The following TXNDC16 variants were observed in gnomAD, a reference collection of about 807,000 sequenced individuals.
TXNDC16 encodes thioredoxin domain containing 16.
Under a neutral mutation model 85.6 loss-of-function variants are expected in TXNDC16, and 74 were observed. The observed-to-expected ratio is 0.86, with a 90% CI of 0.72 to 1.05. The LOEUF (loss-of-function observed/expected upper bound fraction) is 1.05, where lower values mean the gene tolerates loss of function less well. TXNDC16 is among the 50% of genes least tolerant of loss of function. The pLI is 0.00. For missense variants in TXNDC16, 959 were observed against 947.0 expected (o/e 1.01, Z -0.17); for synonymous variants, 335 against 326.5 (o/e 1.03, Z -0.28).
Position 52,542,397 on chromosome 14 carries a change from G to A in TXNDC16, c.217C>T (p.Gln73Ter), listed in dbSNP as rs1279593358. The change falls in exon 4 of 21, where the codon CAG becomes TAG. Residue 73 changes from glutamine (Q) to a stop codon, truncating the protein, a stop_gained. Transcript: ENST00000281741. LOFTEE classifies it high-confidence loss of function. ...EELNEAVRPL[Q>*]DYGISVAKVN... ...TTGGCAACTGAAATTCCATAGTCCTGCAGAGGTCTAACAGCCTCATTCAGT... is the reference window on the plus strand; with the variant it reads ...TTGGCAACTGAAATTCCATAGTCCTACAGAGGTCTAACAGCCTCATTCAGT... 2 of 1,612,030 alleles carry A rather than the reference G, an allele frequency of 1.2e-6. No homozygotes were observed. Among genetic ancestry groups the A allele is most frequent in the African/African-American group, 1.3e-5 (1 of 74,952 alleles).
At chr14:52,515,035 T>C in intron 7 of TXNDC16, 65 bp from the exon 8 acceptor site, 1 of 1,206,720 alleles carries the variant, frequency 8.3e-7, no homozygotes, top group East Asian at 2.4e-5. Flanking sequence ...TATGTAAACT[T>C]CTATTCTGAA....
intron 20 of TXNDC16, among the ~76,000 whole-genome samples, chr14:52,438,919 C>T (rs972156): frequency 0.46 from 69,805 of 151,942 alleles, 16,347 homozygotes; most frequent in East Asian, 0.7. Flanking sequence ...ACTGTAACAA[C>T]TTTTTTAATG....
chr14:52,550,622 G>A (rs1458184257), intron 1 of TXNDC16, among the ~76,000 whole-genome samples: 1 of 152,126 alleles, frequency 6.6e-6, no homozygotes, highest in Non-Finnish European at 1.5e-5. Context: ...ATTAGTATGG[G>A]TACTATCCAG....
At chr14:52,489,445 C>T (rs983637171) in intron 11 of TXNDC16, among the ~76,000 whole-genome samples, 1 of 152,018 alleles carries the variant, frequency 6.6e-6, no homozygotes, top group African/African-American at 2.4e-5. Flanking sequence ...AAGCTATGAG[C>T]TCTAAGTATG....
At position 52,491,013 on chromosome 14, in the gene TXNDC16, GAAAAAA is replaced by G; in HGVS notation, c.757-14_757-9del. On this transcript the variant is annotated splice_polypyrimidine_tract_variant and intron_variant, in intron 9 of 20. Coordinates refer to ENST00000281741, the MANE Select transcript of TXNDC16 (RefSeq NM_020784.3). ...ATCTTCAGCAACTTCAGTCTTCATT[GAAAAAA>G]AAAAAAAAAAAAGGTGTGATAACAA... 84 of 1,194,172 alleles carry G rather than the reference GAAAAAA, an allele frequency of 7.0e-5. No individual in the cohort carries two copies. Among genetic ancestry groups the G allele is most frequent in the Admixed American group, 2.6e-4 (6 of 22,838 alleles). 74.0% of individuals were successfully genotyped at this position (1,194,172 alleles called of 1,614,324 possible).
chr14:52,486,059 C>T (rs546292908), intron 12 of TXNDC16, among the ~76,000 whole-genome samples: 40 of 152,216 alleles, frequency 2.6e-4, no homozygotes, highest in Admixed American at 6.5e-5. Context: ...ATTACATTCT[C>T]AATACCAAAC....
chr14:52,514,608 A>G (rs1169811106), intron 8 of TXNDC16, among the ~76,000 whole-genome samples: 1 of 152,158 alleles, frequency 6.6e-6, no homozygotes, highest in African/African-American at 2.4e-5. Flanking sequence ...AACCATTCCT[A>G]AGATATCCCG....
At position 52,440,604 on chromosome 14, in the gene TXNDC16, G is replaced by T. The variant is rs370360900; in HGVS notation, c.1963C>A (p.Gln655Lys). Reference sequence around the variant, plus strand: ...GGAGTAAATGAATCCAAGTATTTCTGCTTTACCAGTGTCAATATTGCTTTT... The same window carrying T: ...GGAGTAAATGAATCCAAGTATTTCTTCTTTACCAGTGTCAATATTGCTTTT... ...YKKAILTLVK[Q>K]KYLDSFTPCW... is the part of the protein sequence containing the mutation. Residue 655 changes from glutamine (Q) to lysine (K), a missense_variant, in exon 19 of 21, where the codon CAG (glutamine) becomes AAG (lysine). Transcript: ENST00000281741. 4.3e-5 allele frequency: 69 copies of T among 1,608,416 alleles called. No individual in the cohort carries two copies. The highest frequency in any genetic ancestry group is 5.9e-5 in the Non-Finnish European group (69 of 1,178,298).
chr14:52,495,178 T>A (rs925401824), intron 9 of TXNDC16, among the ~76,000 whole-genome samples: 1 of 152,232 alleles, frequency 6.6e-6, no homozygotes, highest in African/African-American at 2.4e-5. Context: ...CTCTGCTTCA[T>A]GTGGCATTAG....
At chr14:52,552,021 T>C (rs1421004388) in intron 1 of TXNDC16, among the ~76,000 whole-genome samples, 5 of 152,216 alleles carry the variant, frequency 3.3e-5, no homozygotes, top group African/African-American at 1.2e-4. Flanking sequence ...GACATTTCCC[T>C]TGGCCTTGGG....
chr14:52,449,270 A>G (rs1191179380), intron 18 of TXNDC16, among the ~76,000 whole-genome samples: 2 of 152,144 alleles, frequency 1.3e-5, no homozygotes, highest in African/African-American at 2.4e-5. Context: ...ATCCATGCCA[A>G]TGGAAACCAA....
intron 9 of TXNDC16, among the ~76,000 whole-genome samples, chr14:52,509,674 T>TA (rs11362920): frequency 4.4e-4 from 65 of 147,032 alleles, no homozygotes; most frequent in South Asian, 6.4e-4. Flanking sequence ...TGGCAGCACA[T>TA]AAAAAAAAAA....
At chr14:52,499,679 T>G (rs1288284500) in intron 9 of TXNDC16, among the ~76,000 whole-genome samples, 3 of 151,698 alleles carry the variant, frequency 2.0e-5, no homozygotes, top group African/African-American at 7.3e-5. Context: ...TGAACCCTTG[T>G]GCACTGTTGG....
intron 4 of TXNDC16, 31 bp from the exon 5 acceptor site, chr14:52,537,703 A>G: frequency 7.6e-7 from 1 of 1,316,612 alleles, no homozygotes; most frequent in Non-Finnish European, 1.1e-6. Flanking sequence ...GTTTTAGCAT[A>G]TATATCAAAA....
At chr14:52,508,677 C>T (rs1200515140) in intron 9 of TXNDC16, among the ~76,000 whole-genome samples, 1 of 152,122 alleles carries the variant, frequency 6.6e-6, no homozygotes, top group Non-Finnish European at 1.5e-5. Context: ...AAATGTCCAA[C>T]AATGATAGAC....
intron 3 of TXNDC16, among the ~76,000 whole-genome samples, chr14:52,543,177 G>C (rs2037869515): frequency 1.3e-5 from 2 of 151,870 alleles, no homozygotes; most frequent in African/African-American, 4.8e-5. Context: ...TATTTCTTCT[G>C]AACAGATGAT....
At chr14:52,470,435 G>C in intron 15 of TXNDC16, 77 bp downstream of exon 15, 5 of 1,444,390 alleles carry the variant, frequency 3.5e-6, no homozygotes, top group Non-Finnish European at 4.7e-6. Flanking sequence ...CCTATTTTAA[G>C]TGTTAGCAAA....
Position 52,538,156 on chromosome 14 carries a change from T to C in TXNDC16, c.244-484A>G, listed in dbSNP as rs139877364. On this transcript the variant is annotated intron_variant, in intron 4 of 20. Coordinates refer to ENST00000281741, the MANE Select transcript of TXNDC16 (RefSeq NM_020784.3). ...CAGCCTGCAATGGCTAAATGGTGTT[T>C]GGAGGAGTCACTGGGCTGAAACTCC... Among the ~76,000 whole-genome samples, 18 of 152,348 alleles carry C rather than the reference T, an allele frequency of 1.2e-4. No homozygotes were observed. The East Asian group carries it at 3.3e-3, about 28-fold the overall frequency.
intron 5 of TXNDC16, among the ~76,000 whole-genome samples, chr14:52,537,070 T>TCACACA (rs58583503): frequency 0.049 from 7,228 of 147,288 alleles, 251 homozygotes; most frequent in African/African-American, 0.1. Context: ...CAACTCACAA[T>TCACACA]CACACACACA....
Sources: allele counts gnomAD v4.1 joint callset (sites outside exome capture counted in the v4.1 genomes callset), GRCh38; gene constraint gnomAD v4.1.1; transcripts MANE v1.5; gene names NCBI Gene and HGNC (gene_info 2026-07-23, HGNC 2026-07-21).